Variants in ACY1 observed in about 807,000 individuals in gnomAD.
The protein encoded by ACY1 is aminoacylase-1.
In ACY1, 38 loss-of-function variants were observed where a neutral mutation model predicts 53.3. The observed-to-expected ratio is 0.71, with a 90% CI of 0.55 to 0.93. ACY1 has a LOEUF of 0.93. Among genes scored for constraint, ACY1 ranks in the 40% least tolerant of loss-of-function variants. The pLI, the probability that ACY1 is intolerant of heterozygous loss-of-function variation, is 0.00. For synonymous variants in ACY1, 177 were observed against 202.1 expected (o/e 0.88, Z 1.05); for missense variants, 484 against 540.9 (o/e 0.89, Z 1.04).
At chr3:51,987,236 C>T (rs367719708) in intron 10 of ACY1, 40 bp downstream of exon 10, 130 of 1,613,884 alleles carry the variant, frequency 8.1e-5, no homozygotes, top group South Asian at 1.6e-4. Flanking sequence ...CTCTGGGAGG[C>T]GGTACCACAG....
rs121912699 is a variant in ACY1, at chr3:51,987,188, A to C, written c.699A>C (p.Glu233Asp). Residue 233 changes from glutamate (E) to aspartate (D), a missense_variant, in exon 10 of 15, where the codon GAA becomes GAC. Coordinates refer to ENST00000636358, the MANE Select transcript of ACY1 (RefSeq NM_000666.3). The part of the protein sequence containing the change: ...VNSILAFREK[E>D]WQRLQSNPHL... ...CCATCCTGGCATTCCGGGAGAAGGAATGGCAGAGGTGAGGCAGCCTGGGAG... is the reference window on the plus strand; with the variant it reads ...CCATCCTGGCATTCCGGGAGAAGGACTGGCAGAGGTGAGGCAGCCTGGGAG... 70 of 1,614,012 alleles carry C rather than the reference A, an allele frequency of 4.3e-5. No individual in the cohort carries two copies. The Middle Eastern group carries it at 6.6e-4, about 15-fold the overall frequency.
intron 12 of ACY1, chr3:51,987,900 C>T (rs1701130709): frequency 2.4e-6 from 1 of 417,974 alleles, no homozygotes; most frequent in Non-Finnish European, 4.4e-6. Flanking sequence ...CTGAGAGAAT[C>T]TCACTCCGTC....
intron 12 of ACY1, chr3:51,988,260 G>A: frequency 1.7e-6 from 1 of 576,268 alleles, no homozygotes; most frequent in Non-Finnish European, 3.1e-6. Flanking sequence ...AGAGGTCTGG[G>A]GGAGCCATCT....
chr3:51,984,806 C>T (rs942728379), intron 2 of ACY1: 4 of 274,836 alleles, frequency 1.5e-5, no homozygotes, highest in Non-Finnish European at 2.8e-5. Context: ...CAGAGTGAGA[C>T]CCTGTCTCAA....
rs201833015 is a variant in ACY1 at position 51,988,591 on chromosome 3, T to A, written c.989T>A (p.Val330Asp). The A allele has an allele frequency of 2.7e-5, 44 of 1,614,164 alleles. No individual in the cohort carries two copies. The East Asian group carries it at 9.1e-4, about 34-fold the overall frequency. The change falls in exon 13 of 15, where the codon GTC becomes GAC. Residue 330 changes from valine (V) to aspartate (D), a missense_variant. Val to Asp is a radical substitution (Grantham distance 152, BLOSUM62 -3). Transcript: ENST00000636358. ...SNPWWAAFSR[V>D]CKDMNLTLEP... ...CCTTGGTGGGCAGCTTTTAGCCGGG[T>A]CTGCAAGGATATGTGAGCACGCTGG...
chr3:51,987,226 C>G, intron 10 of ACY1, 30 bp downstream of exon 10: 1 of 1,614,100 alleles, frequency 6.2e-7, no homozygotes, highest in Non-Finnish European at 8.5e-7. Context: ...AGTGGGGTGG[C>G]TCTGGGAGGC....
At position 51,984,138 on chromosome 3, in the gene ACY1, T is replaced by C. The variant is rs575978688; in HGVS notation, c.74T>C (p.Val25Ala). Residue 25 changes from valine to alanine, a missense_variant, in exon 2 of 15, where the codon GTC (valine) becomes GCC (alanine). Val to Ala is a moderately conservative substitution (Grantham distance 64). Transcript: ENST00000636358. ...CGCCAGTACCTGCGTATCCGCACTGTCCAGCCCAAGCCTGACTATGGTGAG... is the reference window on the plus strand; with the variant it reads ...CGCCAGTACCTGCGTATCCGCACTGCCCAGCCCAAGCCTGACTATGGTGAG... ...LFRQYLRIRT[V>A]QPKPDYGAAV... The C allele has an allele frequency of 8.7e-6, 14 of 1,613,948 alleles. 1 individual carries two copies. The South Asian group carries it at 1.5e-4, about 18-fold the overall frequency.
Position 51,987,386 on chromosome 3 carries a change from A to C in ACY1, c.785A>C (p.Tyr262Ser). Residue 262 changes from tyrosine to serine, a missense_variant, in exon 11 of 15, where the codon TAT becomes TCT. Physicochemically the swap from Tyr to Ser is moderately radical, Grantham distance 144 (BLOSUM62 -2). Transcript: ENST00000636358. ...ACTAAGCTAGAGGGTGGCGTGGCCT[A>C]TAACGTGATACCTGCCACCATGAGC... ...NLTKLEGGVA[Y>S]NVIPATMSAS... 1 of 1,614,134 alleles carries C rather than the reference A, an allele frequency of 6.2e-7. No homozygotes were observed. The highest frequency in any genetic ancestry group is 2.2e-5 in the East Asian group (1 of 44,876).
At chr3:51,984,189 C>A in intron 2 of ACY1, 31 bp downstream of exon 2, 1 of 1,602,470 alleles carries the variant, frequency 6.2e-7, no homozygotes, top group Non-Finnish European at 8.5e-7. Context: ...GAGCCTGTGA[C>A]GGGGCCTAAG....
intron 12 of ACY1, 160 bp downstream of exon 12, chr3:51,987,784 G>A: frequency 2.5e-6 from 2 of 791,952 alleles, no homozygotes; most frequent in East Asian, 5.4e-5. Context: ...AGAGGCCACT[G>A]TGGGTGCTGG....
At chr3:51,987,858 T>C (rs1385197923) in intron 12 of ACY1, 3 of 544,650 alleles carry the variant, frequency 5.5e-6, no homozygotes, top group Non-Finnish European at 9.8e-6. Flanking sequence ...CGGGGAGATA[T>C]AAATCAAACA....
intron 3 of ACY1, 21 bp from the exon 4 acceptor site, chr3:51,985,340 T>G (rs758307659): frequency 6.2e-7 from 1 of 1,614,054 alleles, no homozygotes; most frequent in Non-Finnish European, 8.5e-7. Flanking sequence ...TCAGACCACC[T>G]ACCCTCCTGA....
rs375745476 is a variant in ACY1 at position 51,984,055 on chromosome 3, G to A, written c.-10G>A. 15 of 1,612,722 alleles carry A rather than the reference G, an allele frequency of 9.3e-6. No homozygotes were observed. Among genetic ancestry groups the A allele is most frequent in the African/African-American group, 6.7e-5 (5 of 74,894 alleles). ...ATTCACTTTGCCCCCAGCTCACCAC[G>A]CGCAGCGCCATGACCAGCAAGGGTC... is the stretch of plus-strand genomic sequence containing the variant. On this transcript the variant is annotated 5_prime_UTR_variant, in exon 2 of 15. Transcript: ENST00000636358.
At chr3:51,985,295 G>A (rs888683311) in intron 3 of ACY1, 24 bp downstream of exon 3, 5 of 1,613,280 alleles carry the variant, frequency 3.1e-6, no homozygotes, top group Non-Finnish European at 4.2e-6. Flanking sequence ...CCTAAGCGGG[G>A]AAGGGAGGTG....
chr3:51,984,166 G>T lies in ACY1; in HGVS notation c.94+8G>T. The T allele has an allele frequency of 1.2e-6, 2 of 1,613,662 alleles. No homozygotes were observed. Among genetic ancestry groups the T allele is most frequent in the Non-Finnish European group, 1.7e-6 (2 of 1,179,906 alleles). On this transcript the variant is annotated splice_region_variant and intron_variant, in intron 2 of 14. Coordinates refer to ENST00000636358, the MANE Select transcript of ACY1 (RefSeq NM_000666.3). ...AGCCCAAGCCTGACTATGGTGAGAAGACGGTGGTTCCAGAGCCTGTGACGG... is the reference window on the plus strand; with the variant it reads ...AGCCCAAGCCTGACTATGGTGAGAATACGGTGGTTCCAGAGCCTGTGACGG...
rs1449048184 is a variant in ACY1, at chr3:51,988,533, CA to C, written c.932del (p.His311ProfsTer4). 1 of 1,613,990 alleles carries C rather than the reference CA, an allele frequency of 6.2e-7. No homozygotes were observed. Among genetic ancestry groups the C allele is most frequent in the African/African-American group, 1.3e-5 (1 of 74,924 alleles). On this transcript the variant is annotated frameshift_variant, in exon 13 of 15. Coordinates refer to ENST00000636358, the MANE Select transcript of ACY1 (RefSeq NM_000666.3). LOFTEE classifies it high-confidence loss of function. ...VTLEFAQKWMHPQVTPTDDSN... is the reference protein window; with the variant it reads ...VTLEFAQKWMXPQVTPTDDSN... The stretch of plus-strand genomic sequence containing the variant: ...TCTTCCTGTCCCTCAGAAGTGGATG[CA>C]CCCCCAAGTGACACCTACTGATGAC...
intron 2 of ACY1, chr3:51,984,500 C>A: frequency 2.4e-6 from 1 of 420,556 alleles, no homozygotes; most frequent in East Asian, 5.2e-5. Flanking sequence ...TGGACAAAGG[C>A]CACAGCCCTT....
chr3:51,986,276 G>C lies in ACY1; in HGVS notation c.381G>C (p.Arg127Ser), dbSNP rs773126638. 4.3e-6 allele frequency: 7 copies of C among 1,613,508 alleles called. No individual in the cohort carries two copies. The highest frequency in any genetic ancestry group is 5.9e-6 in the Non-Finnish European group (7 of 1,179,900). ...TCAGGTACCTGGAAGCTGTGAGGAG[G>C]CTGAAGGTGGAGGGCCACCGGTTCC... ...VSIQYLEAVRRLKVEGHRFPR... is the reference protein window; with the variant it reads ...VSIQYLEAVRSLKVEGHRFPR... The change falls in exon 6 of 15, where the codon AGG (arginine) becomes AGC (serine). Residue 127 changes from arginine to serine, a missense_variant. By Grantham distance (110) the Arg-to-Ser change is moderately radical. Coordinates refer to ENST00000636358, the MANE Select transcript of ACY1 (RefSeq NM_000666.3).
intron 12 of ACY1, chr3:51,988,265 C>A: frequency 1.7e-6 from 1 of 579,320 alleles, no homozygotes; most frequent in Non-Finnish European, 3.1e-6. Context: ...TCTGGGGGAG[C>A]CATCTTGAGG....
Sources: gnomAD v4.1 joint callset for allele counts on GRCh38, gnomAD v4.1.1 for gene constraint, MANE v1.5 for transcripts, NCBI Gene and HGNC (gene_info 2026-07-23, HGNC 2026-07-21) for gene names.